Variants in UNC79 observed in about 807,000 individuals in gnomAD.
UNC79 encodes the protein protein unc-79 homolog.
A neutral mutation model predicts 283.1 loss-of-function variants in UNC79; 37 were observed. The observed-to-expected ratio is 0.13, with a 90% confidence interval of 0.10 to 0.17. UNC79 has a LOEUF of 0.17. Ranked by LOEUF, UNC79 falls within the 10% of genes least tolerant of loss-of-function variation. The pLI is 1.00. For missense variants in UNC79, 2,272 were observed against 3,211.1 expected, an observed-to-expected ratio of 0.71 and a Z score of 7.07; for synonymous variants, 1,107 against 1,200.2, an observed-to-expected ratio of 0.92 and a Z score of 1.61.
intron 7 of UNC79, among the ~76,000 whole-genome samples, chr14:93,518,045 A>G (rs1447885630): frequency 2.0e-5 from 3 of 151,932 alleles, no homozygotes; most frequent in Admixed American, 6.6e-5. Flanking sequence ...CATTTATGAG[A>G]GATATTGTTT....
Position 93,430,820 on chromosome 14 carries a change from C to G in UNC79, c.-210C>G, listed in dbSNP as rs2055844819. ...CGCCTATTAAATCCCACCCATTTCT[C>G]CGGGGGCGATTTCCTAACCTTCCGG... On this transcript the variant is annotated 5_prime_UTR_variant, in exon 1 of 49. Transcript: ENST00000555664. This position sits in a 1 kb window ranked among gnomAD's most constrained non-coding sequence, Gnocchi z 4.6. The G allele has an allele frequency of 7.9e-6, 4 of 503,700 alleles. No individual in the cohort carries two copies. The highest frequency in any genetic ancestry group is 7.0e-5 in the South Asian group (3 of 42,646). The allele number at this position is 503,700 out of a possible 1,614,324, so 31.2% of individuals were successfully genotyped here.
At chr14:93,487,029 GAAAACTAA>G (rs1301271767) in intron 4 of UNC79, among the ~76,000 whole-genome samples, 1 of 152,008 alleles carries the variant, frequency 6.6e-6, no homozygotes, top group Non-Finnish European at 1.5e-5. Flanking sequence ...GTAAGCTCTG[GAAAACTAA>G]AAAAATGGTT....
intron 47 of UNC79, among the ~76,000 whole-genome samples, chr14:93,699,848 G>A (rs953952088): frequency 6.6e-6 from 1 of 151,994 alleles, no homozygotes; most frequent in Admixed American, 6.6e-5. Flanking sequence ...TGCTATAATT[G>A]CCATATTTAT....
In UNC79 at chr14:93,691,683, A is replaced by G. The variant is rs1254000012; in HGVS notation, c.7273-66A>G. On this transcript the variant is annotated intron_variant, in intron 45 of 48. Coordinates refer to ENST00000555664, the Ensembl canonical transcript of UNC79. ...CCTGGCAAGACCAAAGCCATGCGGG[A>G]GGACTCCGTGGAGGGCCACAGCCTG... The G allele has an allele frequency of 3.2e-6, 5 of 1,572,392 alleles. No individual in the cohort carries two copies. In the Admixed American group the frequency reaches 8.4e-5, roughly 26 times the overall value.
chr14:93,445,718 T>C (rs992905625), intron 1 of UNC79, among the ~76,000 whole-genome samples: 1 of 152,180 alleles, frequency 6.6e-6, no homozygotes, highest in Non-Finnish European at 1.5e-5. Context: ...AATTCACCAT[T>C]GAAGCCATTA....
intron 5 of UNC79, among the ~76,000 whole-genome samples, chr14:93,493,393 T>G (rs962175413): frequency 5.3e-5 from 8 of 152,152 alleles, no homozygotes; most frequent in Admixed American, 4.6e-4. Flanking sequence ...GATGGGAAGC[T>G]GCTGAACGGC....
At chr14:93,657,261 A>G (rs979023882) in intron 38 of UNC79, among the ~76,000 whole-genome samples, 1 of 152,198 alleles carries the variant, frequency 6.6e-6, no homozygotes, top group Non-Finnish European at 1.5e-5. Flanking sequence ...TTTTAAGCAC[A>G]TGGAACCTCC....
chr14:93,511,054 A>C (rs1184756215), intron 7 of UNC79, among the ~76,000 whole-genome samples: 2 of 152,144 alleles, frequency 1.3e-5, no homozygotes, highest in Non-Finnish European at 2.9e-5. Flanking sequence ...ATCATGGCAG[A>C]AGGTAAGGGG....
intron 5 of UNC79, among the ~76,000 whole-genome samples, chr14:93,489,284 A>C (rs2058609156): frequency 6.6e-6 from 1 of 152,154 alleles, no homozygotes; most frequent in African/African-American, 2.4e-5. Flanking sequence ...ATAGTATTCC[A>C]CCCTATTTTC....
chr14:93,706,831 A>G, exon 49 of UNC79: 5 of 1,614,238 alleles, frequency 3.1e-6, no homozygotes, highest in Non-Finnish European at 4.2e-6. Context: ...AAGTGGTTGC[A>G]GTGCACTCAG....
At chr14:93,532,763 T>G (rs539227861) in intron 11 of UNC79, among the ~76,000 whole-genome samples, 185 bp downstream of exon 11, 1 of 152,354 alleles carries the variant, frequency 6.6e-6, no homozygotes, top group African/African-American at 2.4e-5. Flanking sequence ...TCTATTTCCA[T>G]TTCTGCTTTT....
Position 93,492,989 on chromosome 14 carries a change from G to A in UNC79, c.713-3422G>A, listed in dbSNP as rs529003093. Among the ~76,000 whole-genome samples, 9 of 152,246 alleles carry A rather than the reference G, an allele frequency of 5.9e-5. 1 individual carries two copies. Among genetic ancestry groups the A allele is most frequent in the Admixed American group, 3.9e-4 (6 of 15,292 alleles). ...ATCTCAGGAAGCTTATCGTATGGTC[G>A]GGTTGAGAGGCGAGAAGACAATCAA... On this transcript the variant is annotated intron_variant, in intron 5 of 48. Transcript: ENST00000555664.
intron 7 of UNC79, among the ~76,000 whole-genome samples, chr14:93,517,900 A>AGT (rs796145577): frequency 0.02 from 2,231 of 110,470 alleles, 47 homozygotes; most frequent in South Asian, 0.071. Flanking sequence ...TGTATATGTG[A>AGT]GTGTGTGTGT....
At chr14:93,528,731 T>C in intron 9 of UNC79, 85 bp downstream of exon 9, 1 of 1,291,414 alleles carries the variant, frequency 7.7e-7, no homozygotes, top group East Asian at 2.4e-5. Flanking sequence ...TTAGTTACAT[T>C]GCTAAAGTTT....
intron 27 of UNC79, among the ~76,000 whole-genome samples, chr14:93,614,744 T>C (rs1255806060): frequency 1.3e-5 from 2 of 152,178 alleles, no homozygotes; most frequent in East Asian, 3.8e-4. Flanking sequence ...CTTTTCCATG[T>C]GCATCTGCTA....
chr14:93,416,189 T>G (rs2055452031), intron 1 of UNC79, among the ~76,000 whole-genome samples: 1 of 145,414 alleles, frequency 6.9e-6, no homozygotes. Context: ...CACACTGCTT[T>G]GAATGTGTCC....
At chr14:93,555,437 TC>T (rs2062121774) in intron 14 of UNC79, among the ~76,000 whole-genome samples, 1 of 152,116 alleles carries the variant, frequency 6.6e-6, no homozygotes, top group Admixed American at 6.5e-5. Flanking sequence ...GGAGTCTCTC[TC>T]TGTCACCCAG....
chr14:93,653,727 C>T lies in UNC79; in HGVS notation c.6084-15C>T, dbSNP rs769661552. 1.2e-6 allele frequency: 2 copies of T among 1,606,778 alleles called. No individual in the cohort carries two copies. Among genetic ancestry groups the T allele is most frequent in the African/African-American group, 2.7e-5 (2 of 74,802 alleles). Reference sequence around the variant, plus strand: ...GCCCATGACTTCGTGTCTTTTCTCCCCTGTTCAACTCCAGCATGATGGTTC... The same window carrying T: ...GCCCATGACTTCGTGTCTTTTCTCCTCTGTTCAACTCCAGCATGATGGTTC... On this transcript the variant is annotated splice_polypyrimidine_tract_variant and intron_variant, in intron 35 of 48. Coordinates refer to ENST00000555664, the Ensembl canonical transcript of UNC79.
chr14:93,702,352 A>G (rs1340748078), intron 47 of UNC79, among the ~76,000 whole-genome samples: 2 of 152,036 alleles, frequency 1.3e-5, no homozygotes, highest in African/African-American at 4.8e-5. Flanking sequence ...TACACACCAT[A>G]CTCCATTTAT....
Sources: allele counts gnomAD v4.1 joint callset (sites outside exome capture counted in the v4.1 genomes callset), GRCh38; gene constraint gnomAD v4.1.1; non-coding constraint Gnocchi (gnomAD v3.1); transcripts MANE v1.5; gene names NCBI Gene and HGNC (gene_info 2026-07-23, HGNC 2026-07-21).